The following SCARB1 variants were observed in gnomAD, a reference collection of about 807,000 sequenced individuals.
SCARB1 encodes the protein CD36 and LIMPII analogous 1.
Under a neutral mutation model 57.2 loss-of-function variants are expected in SCARB1, and 30 were observed. The observed-to-expected ratio is 0.52, with a 90% CI of 0.39 to 0.71. The LOEUF is 0.71. SCARB1 is among the 30% of genes least tolerant of loss of function. The pLI is 0.00. For synonymous variants in SCARB1, 249 were observed against 268.3 expected, an observed-to-expected ratio of 0.93 and a Z score of 0.70; for missense variants, 543 against 671.2, an observed-to-expected ratio of 0.81 and a Z score of 2.11.
rs1872564880 is a variant in SCARB1, at chr12:124,777,195, T to C, written c.*1392A>G. 6.6e-6 allele frequency: 1 copy of C among 152,194 alleles called. No homozygotes were observed. The highest frequency in any genetic ancestry group is 2.4e-5 in the African/African-American group (1 of 41,442). 9.4% of individuals were successfully genotyped at this position (152,194 alleles called of 1,614,324 possible). ...TGATCTACACTTAAGATGAGAACTT[T>C]TAGATGGCTCCAATCTGTTCTCTTA... On this transcript the variant is annotated 3_prime_UTR_variant, in exon 13 of 13. Transcript: ENST00000261693.
At chr12:124,839,403 G>A (rs1951821960) in intron 1 of SCARB1, among the ~76,000 whole-genome samples, 1 of 152,150 alleles carries the variant, frequency 6.6e-6, no homozygotes, top group South Asian at 2.1e-4. Context: ...TTTCCAGGCT[G>A]AATCCTATTC....
chr12:124,846,846 G>A (rs1439662115), intron 1 of SCARB1, among the ~76,000 whole-genome samples: 8 of 148,970 alleles, frequency 5.4e-5, no homozygotes, highest in African/African-American at 1.2e-4. Flanking sequence ...GCAGCTTATC[G>A]CAGCAATGTG....
chr12:124,816,451 T>G (rs1006608062), intron 2 of SCARB1, among the ~76,000 whole-genome samples: 1 of 152,244 alleles, frequency 6.6e-6, no homozygotes, highest in African/African-American at 2.4e-5. Flanking sequence ...AGTAAACATT[T>G]GTTAAATGAA....
chr12:124,854,549 G>A (rs11057866), intron 1 of SCARB1, among the ~76,000 whole-genome samples: 13,483 of 152,236 alleles, frequency 0.089, 709 homozygotes, highest in East Asian at 0.12. Context: ...GTGAGGAGGC[G>A]GATGCAGGAA....
intron 7 of SCARB1, among the ~76,000 whole-genome samples, chr12:124,801,469 C>G (rs547807181): frequency 3.4e-4 from 51 of 152,202 alleles, no homozygotes; most frequent in Non-Finnish European, 5.7e-4. Flanking sequence ...GTAAGGAAAA[C>G]AAAACAAAAC....
rs958910942 is a variant in SCARB1 at position 124,777,608 on chromosome 12, G to A, written c.*979C>T. 5 of 152,210 alleles carry A rather than the reference G, an allele frequency of 3.3e-5. No individual in the cohort carries two copies. The highest frequency in any genetic ancestry group is 1.2e-4 in the African/African-American group (5 of 41,428). The allele number at this position is 152,210 out of a possible 1,614,324, so 9.4% of individuals were successfully genotyped here. A position where few individuals can be genotyped will look rare whatever the true frequency, so the allele number is the denominator to read the frequency against. ...CCACCCCCACGACCTCAGCAAACAA[G>A]GCTGTCACAGAGGCAGGCATCCCAT... On this transcript the variant is annotated 3_prime_UTR_variant, in exon 13 of 13. Coordinates refer to ENST00000261693, the MANE Select transcript of SCARB1 (RefSeq NM_005505.5).
At chr12:124,778,796 TC>T (rs1872795244) in intron 12 of SCARB1, among the ~76,000 whole-genome samples, 1 of 151,944 alleles carries the variant, frequency 6.6e-6, no homozygotes, top group African/African-American at 2.4e-5. Flanking sequence ...CCGCCTGGCC[TC>T]CCCGACCTCC....
chr12:124,839,357 C>G (rs1025444660), intron 1 of SCARB1: 1 of 439,776 alleles, frequency 2.3e-6, no homozygotes, highest in Non-Finnish European at 4.6e-6. Context: ...CCTCAAGGCC[C>G]GTGCATGTCG....
In SCARB1 at chr12:124,800,277, G is replaced by A. The variant is rs1950084890; in HGVS notation, c.1010-35C>T. Reference sequence around the variant, plus strand: ...GGGCAGGGAGGGGACATCAGACAAGGACAGTATATTGGCAGGTCCTGCCAG... The same window carrying A: ...GGGCAGGGAGGGGACATCAGACAAGAACAGTATATTGGCAGGTCCTGCCAG... On this transcript the variant is annotated intron_variant, in intron 7 of 12. Coordinates refer to ENST00000261693, the MANE Select transcript of SCARB1 (RefSeq NM_005505.5). This position sits in a 1 kb window ranked among gnomAD's most constrained non-coding sequence, Gnocchi z 4.8. The A allele has an allele frequency of 6.6e-7, 1 of 1,517,592 alleles. No individual in the cohort carries two copies. Among genetic ancestry groups the A allele is most frequent in the Non-Finnish European group, 9.1e-7 (1 of 1,093,970 alleles). The allele number at this position is 1,517,592 out of a possible 1,614,324, so 94.0% of individuals were successfully genotyped here.
chr12:124,861,362 T>TG (rs943217455), intron 1 of SCARB1, among the ~76,000 whole-genome samples: 3 of 152,158 alleles, frequency 2.0e-5, no homozygotes, highest in Admixed American at 6.5e-5. Context: ...ATTGTTATTT[T>TG]GGGGGGATTT....
intron 9 of SCARB1, among the ~76,000 whole-genome samples, chr12:124,792,180 C>A (rs2135564362): frequency 6.6e-6 from 1 of 152,280 alleles, no homozygotes; most frequent in Non-Finnish European, 1.5e-5. Flanking sequence ...ACCCCACTGC[C>A]TTTACCTAGC....
At chr12:124,801,193 T>C (rs527709976) in intron 7 of SCARB1, among the ~76,000 whole-genome samples, 1 of 152,066 alleles carries the variant, frequency 6.6e-6, no homozygotes, top group South Asian at 2.1e-4. Context: ...AGCAAGATCC[T>C]GTCTCAAAAG....
At chr12:124,786,632 T>C (rs1215942770) in intron 10 of SCARB1, 129 bp from the exon 11 acceptor site, 2 of 1,523,890 alleles carry the variant, frequency 1.3e-6, no homozygotes, top group African/African-American at 1.4e-5. Flanking sequence ...GGCTAAAGCA[T>C]GTGTTGGAGC....
chr12:124,805,740 TTTTTTTTTTG>T (rs1467053113), intron 7 of SCARB1, among the ~76,000 whole-genome samples: 4 of 132,796 alleles, frequency 3.0e-5, no homozygotes, highest in African/African-American at 1.3e-4. Context: ...TTTTTTTTTT[TTTTTTTTTTG>T]GCCAGAGAGA....
intron 11 of SCARB1, chr12:124,785,301 A>AG (rs1479141553): frequency 1.3e-5 from 2 of 152,648 alleles, no homozygotes; most frequent in African/African-American, 4.8e-5. Flanking sequence ...GTGCACCACG[A>AG]GGCCCTGGGT....
chr12:124,827,527 C>G (rs10773106), intron 1 of SCARB1, among the ~76,000 whole-genome samples: 126,096 of 151,922 alleles, frequency 0.83, 55,225 homozygotes, highest in Non-Finnish European at 0.99. Flanking sequence ...TCCCTTTTCT[C>G]CTGTCTTATA....
At chr12:124,805,436 TGGTGG>T (rs1950286561) in intron 7 of SCARB1, among the ~76,000 whole-genome samples, 1 of 152,208 alleles carries the variant, frequency 6.6e-6, no homozygotes, top group East Asian at 1.9e-4. Flanking sequence ...TCAGAGAGGC[TGGTGG>T]GGCTGGATCC....
At chr12:124,820,538 C>T (rs1013204877) in intron 1 of SCARB1, among the ~76,000 whole-genome samples, 4 of 152,112 alleles carry the variant, frequency 2.6e-5, no homozygotes, top group African/African-American at 9.7e-5. Context: ...AGGCCCCGAT[C>T]GCCCAGCCCT....
chr12:124,791,067 A>G (rs969392699), intron 9 of SCARB1, among the ~76,000 whole-genome samples: 2 of 151,900 alleles, frequency 1.3e-5, no homozygotes, highest in Admixed American at 1.3e-4. Context: ...CCTAGTAAAA[A>G]CCCTGGGCAC....
Sources: gnomAD v4.1 joint callset for allele counts (sites outside exome capture counted in the v4.1 genomes callset) on GRCh38, gnomAD v4.1.1 for gene constraint, Gnocchi (gnomAD v3.1) non-coding constraint, MANE v1.5 for transcripts, NCBI Gene and HGNC (gene_info 2026-07-23, HGNC 2026-07-21) for gene names.